Variants in ARHGAP15 observed in about 807,000 individuals in gnomAD.
ARHGAP15 encodes rho GTPase-activating protein 15.
ARHGAP15 carries 51 observed loss-of-function variants against 63.7 expected under a neutral mutation model. The observed-to-expected ratio is 0.80, with a 90% CI of 0.64 to 1.01. The LOEUF (loss-of-function observed/expected upper bound fraction) is 1.01. ARHGAP15 is among the 50% of genes least tolerant of loss of function. ARHGAP15 has a pLI of 0.00. For synonymous variants in ARHGAP15, 191 were observed against 193.8 expected (o/e 0.99, Z 0.12); for missense variants, 560 against 564.6 (o/e 0.99, Z 0.08).
At chr2:143,323,491 G>A (rs993593385) in intron 6 of ARHGAP15, among the ~76,000 whole-genome samples, 1 of 152,168 alleles carries the variant, frequency 6.6e-6, no homozygotes, top group Non-Finnish European at 1.5e-5. Context: ...AAACACTTCG[G>A]ACAGGGATGA....
chr2:143,373,765 C>T (rs1431016666), intron 6 of ARHGAP15, among the ~76,000 whole-genome samples: 3 of 151,172 alleles, frequency 2.0e-5, no homozygotes, highest in East Asian at 1.9e-4. Context: ...TTGTGTTAGG[C>T]ATTGAAAGAG....
intron 12 of ARHGAP15, among the ~76,000 whole-genome samples, chr2:143,645,950 G>C (rs933990183): frequency 8.5e-5 from 13 of 152,100 alleles, no homozygotes; most frequent in African/African-American, 3.1e-4. Flanking sequence ...CAAAACACAT[G>C]AAGTGGTTTG....
intron 12 of ARHGAP15, among the ~76,000 whole-genome samples, chr2:143,694,883 G>A (rs1241941123): frequency 6.6e-6 from 1 of 151,418 alleles, no homozygotes; most frequent in East Asian, 1.9e-4. Context: ...CAGGAAAAGT[G>A]TTTCTTAATT....
intron 2 of ARHGAP15, among the ~76,000 whole-genome samples, chr2:143,172,588 C>A (rs1690832680): frequency 6.6e-6 from 1 of 151,958 alleles, no homozygotes; most frequent in African/African-American, 2.4e-5. Flanking sequence ...CAATATAGAA[C>A]TGAAAAGAGT....
At chr2:143,501,913 G>T (rs1336341024) in intron 9 of ARHGAP15, among the ~76,000 whole-genome samples, 3 of 152,206 alleles carry the variant, frequency 2.0e-5, no homozygotes, top group African/African-American at 7.2e-5. Context: ...ACTACAGCAT[G>T]AAGAACAGGA....
intron 6 of ARHGAP15, among the ~76,000 whole-genome samples, chr2:143,365,154 A>G (rs1412344733): frequency 6.6e-6 from 1 of 152,244 alleles, no homozygotes; most frequent in African/African-American, 2.4e-5. Context: ...TCTCTGTAGC[A>G]TGTAAAACAA....
chr2:143,526,520 C>G (rs1326475347), intron 10 of ARHGAP15, among the ~76,000 whole-genome samples: 1 of 152,124 alleles, frequency 6.6e-6, no homozygotes, highest in Non-Finnish European at 1.5e-5. Context: ...AATAATGCAA[C>G]ACCTCAACTT....
chr2:143,697,401 A>G (rs1306130861), intron 12 of ARHGAP15, among the ~76,000 whole-genome samples: 1 of 152,202 alleles, frequency 6.6e-6, no homozygotes, highest in African/African-American at 2.4e-5. Flanking sequence ...ATTTATGTGC[A>G]CTGAAATATT....
intron 5 of ARHGAP15, among the ~76,000 whole-genome samples, chr2:143,230,273 TC>T (rs1352564748): frequency 6.6e-6 from 1 of 152,198 alleles, no homozygotes; most frequent in Non-Finnish European, 1.5e-5. Flanking sequence ...GAGATAAGAT[TC>T]CATATTTTAA....
chr2:143,523,493 G>A (rs1055508228), intron 10 of ARHGAP15, among the ~76,000 whole-genome samples: 3 of 151,992 alleles, frequency 2.0e-5, no homozygotes, highest in African/African-American at 7.2e-5. Context: ...GGAGTCCTTT[G>A]GTGTGAGATC....
intron 6 of ARHGAP15, among the ~76,000 whole-genome samples, chr2:143,330,131 ACC>A (rs1491150156): frequency 0.34 from 14,701 of 42,998 alleles, 2,597 homozygotes; most frequent in Non-Finnish European, 0.41. Flanking sequence ...AAAAAAAAAA[ACC>A]AAAAACAAAA....
intron 12 of ARHGAP15, among the ~76,000 whole-genome samples, chr2:143,671,117 A>G (rs2105348530): frequency 6.6e-6 from 1 of 152,358 alleles, no homozygotes; most frequent in South Asian, 2.1e-4. Context: ...TTGAACAACA[A>G]TTGAACATTA....
At chr2:143,146,140 T>C (rs1689580098) in intron 1 of ARHGAP15, among the ~76,000 whole-genome samples, 1 of 151,762 alleles carries the variant, frequency 6.6e-6, no homozygotes, top group Admixed American at 6.6e-5. Flanking sequence ...GACCTCTTCA[T>C]TAAAACATGC....
chr2:143,662,532 T>C (rs1681879197), intron 12 of ARHGAP15, among the ~76,000 whole-genome samples: 1 of 140,512 alleles, frequency 7.1e-6, no homozygotes, highest in Non-Finnish European at 1.6e-5. Context: ...AGGAACGCAG[T>C]TCCTCACCAG....
At chr2:143,451,152 C>T (rs370358142) in intron 8 of ARHGAP15, among the ~76,000 whole-genome samples, 1 of 151,612 alleles carries the variant, frequency 6.6e-6, no homozygotes, top group African/African-American at 2.4e-5. Flanking sequence ...TCAGCAGGGA[C>T]GGAAATAAAC....
chr2:143,768,193 A>G lies in ARHGAP15; in HGVS notation c.*21A>G. ...ACTGACAGACAAGACAAGCTACTGA[A>G]TACGTTCACATCTGTCTTGATGCCT... On this transcript the variant is annotated 3_prime_UTR_variant, in exon 14 of 14. Coordinates refer to ENST00000295095, the MANE Select transcript of ARHGAP15 (RefSeq NM_018460.4). The G allele has an allele frequency of 1.2e-6, 2 of 1,605,554 alleles. No individual in the cohort carries two copies. The highest frequency in any genetic ancestry group is 1.7e-6 in the Non-Finnish European group (2 of 1,174,426).
intron 11 of ARHGAP15, among the ~76,000 whole-genome samples, chr2:143,612,190 T>C (rs569948938): frequency 6.6e-6 from 1 of 152,356 alleles, no homozygotes; most frequent in Non-Finnish European, 1.5e-5. Flanking sequence ...CATTTCATCA[T>C]TCACCTTTGC....
intron 4 of ARHGAP15, among the ~76,000 whole-genome samples, chr2:143,224,929 C>T (rs1397633045): frequency 6.6e-6 from 1 of 152,206 alleles, no homozygotes; most frequent in East Asian, 1.9e-4. Flanking sequence ...TCATTCTCAG[C>T]AACCTAACCC....
intron 6 of ARHGAP15, among the ~76,000 whole-genome samples, chr2:143,372,350 A>T (rs1362240038): frequency 2.1e-4 from 4 of 18,916 alleles, no homozygotes; most frequent in Admixed American, 1.2e-3. Flanking sequence ...TAGTCGATTT[A>T]AAAAAAAAAA....
Sources: gnomAD v4.1 joint callset for allele counts (sites outside exome capture counted in the v4.1 genomes callset) on GRCh38, gnomAD v4.1.1 for gene constraint, MANE v1.5 for transcripts, NCBI Gene and HGNC (gene_info 2026-07-23, HGNC 2026-07-21) for gene names.